ZFP62: variants seen among roughly 807,000 people sequenced by gnomAD.
ZFP62 encodes the protein ZFP62 zinc finger protein, also known as zinc finger protein 62 homolog.
Under a neutral mutation model 56.4 loss-of-function variants are expected in ZFP62, and 44 were observed. The observed-to-expected ratio is 0.78, with a 90% CI of 0.61 to 1.00. The LOEUF is 1.00. ZFP62 is among the 50% of genes least tolerant of loss of function. ZFP62 has a pLI of 0.00. For missense variants in ZFP62, 1,030 were observed against 1,085.7 expected (o/e 0.95, Z 0.72); for synonymous variants, 421 against 388.9 (o/e 1.08, Z -0.97).
At chr5:180,830,995 T>TC in the ZFP62 span, 2 of 152,518 alleles carry the variant, frequency 1.3e-5, no homozygotes, top group Non-Finnish European at 2.9e-5. Flanking sequence ...CCTGCCCTCC[T>TC]CCCCTTCGTG....
intron 1 of ZFP62, among the ~76,000 whole-genome samples, chr5:180,852,425 G>T (rs570155582): frequency 6.6e-6 from 1 of 152,062 alleles, no homozygotes; most frequent in East Asian, 1.9e-4. Context: ...GTGATGGCAC[G>T]CACCTCTAAT....
intron 1 of ZFP62, among the ~76,000 whole-genome samples, chr5:180,860,311 A>T (rs1166806050): frequency 6.6e-6 from 1 of 152,170 alleles, no homozygotes; most frequent in East Asian, 1.9e-4. Context: ...TATATTTTTA[A>T]TATCCCAGCC....
chr5:180,851,959 A>C, intron 1 of ZFP62: 6 of 938,542 alleles, frequency 6.4e-6, no homozygotes, highest in Non-Finnish European at 7.6e-6. Flanking sequence ...AGCAGAGGAC[A>C]GACAAAACTA....
rs1773676097 is a variant in ZFP62, at chr5:180,851,042, T to G, written c.453A>C (p.Lys151Asn). 1 of 1,551,710 alleles carries G rather than the reference T, an allele frequency of 6.4e-7. No individual in the cohort carries two copies. Among genetic ancestry groups the G allele is most frequent in the Non-Finnish European group, 8.7e-7 (1 of 1,146,992 alleles). ...TATGTTGAACAAGGCGGGAATTATATTTGAAGGATTTCCCACATTCATCAC... is the reference window on the plus strand; with the variant it reads ...TATGTTGAACAAGGCGGGAATTATAGTTGAAGGATTTCCCACATTCATCAC... ...HKCDECGKSFKYNSRLVQHKI... is the reference protein window; with the variant it reads ...HKCDECGKSFNYNSRLVQHKI... The change falls in exon 2 of 2, where the codon AAA becomes AAC. Residue 151 changes from lysine (K) to asparagine (N), a missense_variant. By Grantham distance (94) the Lys-to-Asn change is moderately conservative. Transcript: ENST00000502412.
downstream of ZFP62, among the ~76,000 whole-genome samples, chr5:180,843,944 C>A (rs767859335): frequency 5.3e-5 from 8 of 152,208 alleles, no homozygotes; most frequent in Non-Finnish European, 1.2e-4. Context: ...AAAAATATAA[C>A]TAGGAAATTC....
chr5:180,833,355 T>C, the ZFP62 span, among the ~76,000 whole-genome samples: 2 of 151,722 alleles, frequency 1.3e-5, no homozygotes, highest in Non-Finnish European at 2.9e-5. Flanking sequence ...AGCGGGTGCC[T>C]GTAGTCCCAG....
chr5:180,853,818 T>C (rs564905655), intron 1 of ZFP62, among the ~76,000 whole-genome samples: 35 of 152,194 alleles, frequency 2.3e-4, no homozygotes, highest in Admixed American at 5.2e-4. Context: ...CAACTTTAGA[T>C]GTATTAAGAA....
rs1490469038 is a variant in ZFP62, at chr5:180,850,223, C to G, written c.1272G>C (p.Lys424Asn). 17 of 1,553,000 alleles carry G rather than the reference C, an allele frequency of 1.1e-5. No individual in the cohort carries two copies. The highest frequency in any genetic ancestry group is 1.4e-5 in the Non-Finnish European group (16 of 1,147,892). ...IHPGKKAHEC[K>N]ECGKSFSYNS... is the part of the protein sequence containing the mutation. Reference sequence around the variant, plus strand: ...TATAACTAAAGGATTTCCCACACTCCTTACATTCATGGGCTTTCTTCCCAG... The same window carrying G: ...TATAACTAAAGGATTTCCCACACTCGTTACATTCATGGGCTTTCTTCCCAG... The change falls in exon 2 of 2, where the codon AAG becomes AAC. Residue 424 changes from lysine to asparagine, a missense_variant. Lys to Asn is a moderately conservative substitution (Grantham distance 94). Transcript: ENST00000502412.
At chr5:180,844,664 C>T (rs1205522209), downstream of ZFP62, among the ~76,000 whole-genome samples, 1 of 152,212 alleles carries the variant, frequency 6.6e-6, no homozygotes, top group Non-Finnish European at 1.5e-5. Flanking sequence ...GAGGCTCCTC[C>T]TGCTGAGCCC....
the ZFP62 span, among the ~76,000 whole-genome samples, chr5:180,832,161 CT>C: frequency 6.6e-6 from 1 of 152,136 alleles, no homozygotes. Context: ...CTTCTAATTT[CT>C]TTTTTTCTTT....
At chr5:180,844,722 T>C (rs972230354), downstream of ZFP62, among the ~76,000 whole-genome samples, 1 of 152,136 alleles carries the variant, frequency 6.6e-6, no homozygotes, top group Non-Finnish European at 1.5e-5. Flanking sequence ...AGACAATGGA[T>C]TGCTTACTTA....
intron 1 of ZFP62, among the ~76,000 whole-genome samples, chr5:180,852,779 A>G (rs974817406): frequency 6.6e-6 from 1 of 152,246 alleles, no homozygotes; most frequent in Admixed American, 6.5e-5. Context: ...AATAAACTAC[A>G]AATCATACAG....
intron 1 of ZFP62, among the ~76,000 whole-genome samples, chr5:180,858,325 C>CAAGGA (rs1189834660): frequency 2.7e-5 from 4 of 146,968 alleles, no homozygotes; most frequent in Non-Finnish European, 6.0e-5. Context: ...AAAGATCAGG[C>CAAGGA]AAGGTGCAGT....
intron 1 of ZFP62, chr5:180,860,611 C>T (rs1173194128): frequency 6.6e-6 from 1 of 151,428 alleles, no homozygotes. Flanking sequence ...GGTGCGCTTC[C>T]CCAGATGAGG....
At chr5:180,859,106 TTA>T (rs1774165414) in intron 1 of ZFP62, among the ~76,000 whole-genome samples, 2 of 152,052 alleles carry the variant, frequency 1.3e-5, no homozygotes, top group Admixed American at 6.6e-5. Context: ...AGACAACTCG[TTA>T]GAGAGGAGCC....
In ZFP62 at chr5:180,847,629, C is replaced by T. The variant is rs1371656002; in HGVS notation, c.*1163G>A. The T allele has an allele frequency of 6.1e-6, 6 of 985,406 alleles. No homozygotes were observed. Among genetic ancestry groups the T allele is most frequent in the Non-Finnish European group, 7.2e-6 (6 of 829,924 alleles). The allele number at this position is 985,406 out of a possible 1,614,324, so 61.0% of individuals were successfully genotyped here. On this transcript the variant is annotated 3_prime_UTR_variant, in exon 2 of 2. Coordinates refer to ENST00000502412, the MANE Select transcript of ZFP62 (RefSeq NM_001172638.2). ...CAGCCCGTTTTGATTTAAGGAATTT[C>T]TTTATTGGAATTCCACTTTACCTCG...
downstream of ZFP62, among the ~76,000 whole-genome samples, chr5:180,842,946 G>C (rs1773344439): frequency 6.6e-6 from 1 of 151,814 alleles, no homozygotes; most frequent in African/African-American, 2.4e-5. Context: ...GGGAGGCTGA[G>C]GTAGGAGAAT....
the ZFP62 span, among the ~76,000 whole-genome samples, chr5:180,827,245 C>A: frequency 6.6e-6 from 1 of 152,164 alleles, no homozygotes; most frequent in Admixed American, 6.5e-5. Flanking sequence ...TGGCCAGAGA[C>A]TTGAAAGGAA....
Position 180,849,969 on chromosome 5 carries a change from T to G in ZFP62, c.1526A>C (p.Tyr509Ser), listed in dbSNP as rs975905718. 1.6e-5 allele frequency: 25 copies of G among 1,551,496 alleles called. No individual in the cohort carries two copies. Among genetic ancestry groups the G allele is most frequent in the Non-Finnish European group, 2.1e-5 (24 of 1,146,942 alleles). ...HLGEKPYKCS[Y>S]CEKSFNYSSA... ...GCTGTAGTTGAAGGATTTCTCACAATAGCTACATTTATAGGGCTTCTCCCC... is the reference window on the plus strand; with the variant it reads ...GCTGTAGTTGAAGGATTTCTCACAAGAGCTACATTTATAGGGCTTCTCCCC... The change falls in exon 2 of 2, where the codon TAT (tyrosine) becomes TCT (serine). Residue 509 changes from tyrosine to serine, a missense_variant. Coordinates refer to ENST00000502412, the MANE Select transcript of ZFP62 (RefSeq NM_001172638.2).
Sources: gnomAD v4.1 joint callset for allele counts (sites outside exome capture counted in the v4.1 genomes callset) on GRCh38, gnomAD v4.1.1 for gene constraint, MANE v1.5 for transcripts, NCBI Gene and HGNC (gene_info 2026-07-23, HGNC 2026-07-21) for gene names.